NFIC: variants seen among roughly 807,000 people sequenced by gnomAD.
The protein encoded by NFIC is nuclear factor 1 C-type.
In NFIC, 12 loss-of-function variants were observed where a neutral mutation model predicts 54.4. The observed-to-expected ratio is 0.22, with a 90% CI of 0.14 to 0.36. The LOEUF is 0.36. NFIC is among the 10% of genes least tolerant of loss of function. NFIC has a pLI of 1.00. For synonymous variants in NFIC, 322 were observed against 319.2 expected (o/e 1.01, Z -0.09); for missense variants, 575 against 718.2 (o/e 0.80, Z 2.28).
chr19:3,435,569 G>C, intron 6 of NFIC, among the ~76,000 whole-genome samples: 1 of 152,140 alleles, frequency 6.6e-6, no homozygotes. Context: ...AGAATCCCTC[G>C]TCTGTAGGGA....
intron 2 of NFIC, among the ~76,000 whole-genome samples, chr19:3,419,176 G>C (rs537943718): frequency 1.4e-4 from 22 of 152,240 alleles, no homozygotes; most frequent in African/African-American, 5.1e-4. Flanking sequence ...ATGGCCATTG[G>C]AATGTATTTA....
At chr19:3,421,255 TGCGGCCTGCTGAGACGCCAGCTGGGC>T (rs2081949462) in intron 2 of NFIC, among the ~76,000 whole-genome samples, 1 of 147,408 alleles carries the variant, frequency 6.8e-6, no homozygotes, top group African/African-American at 2.7e-5. Flanking sequence ...AGCTGGGCAC[TGCGGCCTGCTGAGACGCCAGCTGGGC>T]ACTGCAGCCT....
chr19:3,384,920 G>A (rs997711777), intron 2 of NFIC, among the ~76,000 whole-genome samples: 9 of 152,012 alleles, frequency 5.9e-5, no homozygotes, highest in Admixed American at 2.6e-4. Context: ...CATCTTCCTC[G>A]CCCGGGGCCC....
chr19:3,370,307 G>A lies in NFIC; in HGVS notation c.30+3641G>A, dbSNP rs2080976942. ...CCCCACCCGGGGCCTGGTGGCCTCT[G>A]ATTCACTCTCTACAAGGCTCCACCA... On this transcript the variant is annotated intron_variant, in intron 1 of 10. Coordinates refer to ENST00000443272, the MANE Select transcript of NFIC (RefSeq NM_001245002.2). This position sits in a 1 kb window ranked among gnomAD's most constrained non-coding sequence, Gnocchi z 5.2. Among the ~76,000 whole-genome samples the A allele has an allele frequency of 1.3e-5, 2 of 152,016 alleles. No individual in the cohort carries two copies. The highest frequency in any genetic ancestry group is 4.8e-5 in the African/African-American group (2 of 41,384).
chr19:3,401,407 G>A (rs543866219), intron 2 of NFIC, among the ~76,000 whole-genome samples: 37 of 152,282 alleles, frequency 2.4e-4, no homozygotes, highest in African/African-American at 8.2e-4. Context: ...AGAGGCAGAG[G>A]AGGGGGCAGA....
intron 2 of NFIC, among the ~76,000 whole-genome samples, chr19:3,398,891 T>C (rs77621885): frequency 0.025 from 3,769 of 152,320 alleles, 175 homozygotes; most frequent in African/African-American, 0.086. Flanking sequence ...TGCGAATTCA[T>C]AGGCGAGCTG....
intron 2 of NFIC, among the ~76,000 whole-genome samples, chr19:3,388,116 G>A (rs2081326239): frequency 6.6e-6 from 1 of 152,134 alleles, no homozygotes; most frequent in South Asian, 2.1e-4. Context: ...GCCTTGCGTC[G>A]TGCCAAGCTC....
chr19:3,383,676 C>T (rs543398129), intron 2 of NFIC, among the ~76,000 whole-genome samples: 22 of 152,294 alleles, frequency 1.4e-4, no homozygotes, highest in Middle Eastern at 3.4e-3. Flanking sequence ...GTCTGGAGCA[C>T]GCGTGAACCC....
intron 2 of NFIC, among the ~76,000 whole-genome samples, chr19:3,393,260 G>A (rs115999125): frequency 0.025 from 3,748 of 152,200 alleles, 178 homozygotes; most frequent in African/African-American, 0.085. Context: ...GCTGTTCCAC[G>A]GCCACCTGGA....
chr19:3,407,123 T>G (rs2081663992), intron 2 of NFIC, among the ~76,000 whole-genome samples: 1 of 152,186 alleles, frequency 6.6e-6, no homozygotes, highest in Non-Finnish European at 1.5e-5. Flanking sequence ...TTTTTTGTTT[T>G]TTGTTTTTGA....
chr19:3,454,841 G>A (rs923434038), intron 9 of NFIC, among the ~76,000 whole-genome samples: 13 of 151,692 alleles, frequency 8.6e-5, no homozygotes, highest in African/African-American at 2.7e-4. Flanking sequence ...CTGCCCCGGC[G>A]TTCCTGTCCC....
chr19:3,412,392 G>A (rs1439911571), intron 2 of NFIC, among the ~76,000 whole-genome samples: 2 of 152,170 alleles, frequency 1.3e-5, no homozygotes, highest in African/African-American at 2.4e-5. Context: ...ACTACAGGAT[G>A]TGCCACCATG....
chr19:3,467,212 G>GCCCCCCCCCC lies in NFIC; in HGVS notation c.*4445_*4454dup, dbSNP rs374469121. On this transcript the variant is annotated 3_prime_UTR_variant, in exon 11 of 11. Transcript: ENST00000443272. ...GCTATGGACACCACACCTATGCCAG[G>GCCCCCCCCCC]CCCCCCCCCCCACCCCAGTCTCATT... is the stretch of plus-strand genomic sequence containing the variant. The GCCCCCCCCCC allele has an allele frequency of 4.6e-4, 41 of 88,204 alleles. No individual in the cohort carries two copies. The highest frequency in any genetic ancestry group is 6.8e-4 in the Non-Finnish European group (31 of 45,408). 5.5% of individuals were successfully genotyped at this position (88,204 alleles called of 1,614,324 possible).
At chr19:3,376,008 C>T (rs1045541914) in intron 1 of NFIC, among the ~76,000 whole-genome samples, 5 of 152,070 alleles carry the variant, frequency 3.3e-5, no homozygotes, top group African/African-American at 4.8e-5. Context: ...ATCCTCACAC[C>T]GGCCCTGAGA....
intron 10 of NFIC, among the ~76,000 whole-genome samples, chr19:3,461,108 G>A (rs1326095087): frequency 1.3e-5 from 2 of 151,852 alleles, no homozygotes; most frequent in Non-Finnish European, 2.9e-5. Context: ...CTGGTGACAA[G>A]AGCGTGACGC....
intron 6 of NFIC, among the ~76,000 whole-genome samples, chr19:3,440,822 TTTTTG>T (rs1221818950): frequency 6.6e-6 from 1 of 152,104 alleles, no homozygotes; most frequent in Non-Finnish European, 1.5e-5. Context: ...CGCCTGGCCT[TTTTTG>T]TTTTGTTTTG....
rs540983837 is a variant in NFIC at position 3,382,404 on chromosome 19, C to T, written c.562+161C>T. ...TGGAGAGTGCCCAATGGGGGCGACA[C>T]GGGGCACGGAGCATCTGAGGGAGGA... On this transcript the variant is annotated intron_variant, in intron 2 of 10. Coordinates refer to ENST00000443272, the MANE Select transcript of NFIC (RefSeq NM_001245002.2). Among the ~76,000 whole-genome samples the T allele has an allele frequency of 2.7e-5, 4 of 149,352 alleles. No homozygotes were observed. The South Asian group carries it at 6.4e-4, about 24-fold the overall frequency.
At chr19:3,361,080 A>G (rs2080804575) in intron 1 of NFIC, among the ~76,000 whole-genome samples, 1 of 151,932 alleles carries the variant, frequency 6.6e-6, no homozygotes, top group African/African-American at 2.4e-5. Context: ...TCTTTCCCCT[A>G]CGTCCCCTCC....
intron 3 of NFIC, among the ~76,000 whole-genome samples, chr19:3,432,063 CTG>C (rs1024812957): frequency 1.3e-5 from 2 of 152,140 alleles, no homozygotes; most frequent in African/African-American, 4.8e-5. Flanking sequence ...GAATCAGACA[CTG>C]TGGATGCTTA....
Sources: gnomAD v4.1 joint callset for allele counts (sites outside exome capture counted in the v4.1 genomes callset) on GRCh38, gnomAD v4.1.1 for gene constraint, Gnocchi (gnomAD v3.1) non-coding constraint, MANE v1.5 for transcripts, NCBI Gene and HGNC (gene_info 2026-07-23, HGNC 2026-07-21) for gene names.